GYPC: variants seen among roughly 807,000 people sequenced by gnomAD.
GYPC encodes the protein glycophorin-C.
In GYPC, 14 loss-of-function variants were observed where a neutral mutation model predicts 12.6. The observed-to-expected ratio is 1.11, with a 90% CI of 0.74 to 1.74. The LOEUF (loss-of-function observed/expected upper bound fraction) is 1.74, where lower values mean the gene tolerates loss of function less well. GYPC is among the 40% of genes most tolerant of loss of function. The probability of loss-of-function intolerance (pLI) is 0.00; values close to 1 mark genes in which losing one functional copy is unlikely to be tolerated. For missense variants in GYPC, 225 were observed against 172.1 expected (o/e 1.31, Z -1.72); for synonymous variants, 78 against 62.1 (o/e 1.26, Z -1.20).
intron 1 of GYPC, chr2:126,658,821 T>G (rs1336757397): frequency 1.5e-4 from 23 of 152,248 alleles, no homozygotes; most frequent in Admixed American, 1.4e-3. Context: ...GGTTATACCT[T>G]GTTATTTTCT....
chr2:126,670,547 G>A (rs2104780002), intron 1 of GYPC, among the ~76,000 whole-genome samples: 1 of 152,342 alleles, frequency 6.6e-6, no homozygotes, highest in African/African-American at 2.4e-5. Flanking sequence ...CAGCAGGGAT[G>A]TGCCTGCGCT....
At chr2:126,674,459 G>A (rs1386321976) in intron 1 of GYPC, among the ~76,000 whole-genome samples, 7 of 64,102 alleles carry the variant, frequency 1.1e-4, no homozygotes, top group Admixed American at 4.5e-4. Context: ...AACAAGTGGG[G>A]GGGGAATACA....
intron 3 of GYPC, among the ~76,000 whole-genome samples, chr2:126,695,676 GT>G (rs1458366657): frequency 1.0e-5 from 1 of 96,964 alleles, no homozygotes; most frequent in Non-Finnish European, 2.1e-5. Flanking sequence ...ATGACTTTAG[GT>G]TAATGTTAAG....
At chr2:126,673,859 G>A (rs895931638) in intron 1 of GYPC, among the ~76,000 whole-genome samples, 1 of 152,280 alleles carries the variant, frequency 6.6e-6, no homozygotes, top group South Asian at 2.1e-4. Context: ...AGACTTAAAT[G>A]ACACCTCTTA....
chr2:126,677,080 C>T (rs1683011188), intron 1 of GYPC, among the ~76,000 whole-genome samples: 1 of 152,126 alleles, frequency 6.6e-6, no homozygotes, highest in Admixed American at 6.5e-5. Flanking sequence ...TCCCATAGAC[C>T]AAGTCTAGGC....
intron 1 of GYPC, among the ~76,000 whole-genome samples, chr2:126,671,725 A>T (rs1682861513): frequency 1.3e-5 from 2 of 152,214 alleles, no homozygotes; most frequent in African/African-American, 4.8e-5. Flanking sequence ...AAGCCCTGGG[A>T]ATAAGACAGT....
chr2:126,656,655 G>T (rs1477827762), intron 1 of GYPC, among the ~76,000 whole-genome samples: 2 of 152,254 alleles, frequency 1.3e-5, no homozygotes, highest in African/African-American at 4.8e-5. Context: ...TCTCCCTAAA[G>T]AACAGTTAGG....
At chr2:126,656,453 C>A in intron 1 of GYPC, 141 bp downstream of exon 1, 1 of 679,678 alleles carries the variant, frequency 1.5e-6, no homozygotes, top group Non-Finnish European at 2.4e-6. Context: ...GTCCGCTGGG[C>A]TCAGATCCCC....
chr2:126,684,945 C>A (rs1424311300), intron 1 of GYPC, among the ~76,000 whole-genome samples: 1 of 152,188 alleles, frequency 6.6e-6, no homozygotes, highest in Admixed American at 6.5e-5. Flanking sequence ...ATTCTCCTCT[C>A]CCCTGTAACT....
chr2:126,675,528 G>A (rs1027429345), intron 1 of GYPC: 1 of 176,090 alleles, frequency 5.7e-6, no homozygotes, highest in Non-Finnish European at 1.1e-5. Context: ...ATCCACTCCT[G>A]TGAGCCTCTC....
At chr2:126,691,226 C>T (rs2280237) in intron 2 of GYPC, among the ~76,000 whole-genome samples, 33,864 of 151,084 alleles carry the variant, frequency 0.22, 92 homozygotes, top group East Asian at 0.32. Flanking sequence ...AAGACAGAGG[C>T]TTGCTCTGCA....
At chr2:126,661,886 C>T (rs1336345570) in intron 1 of GYPC, among the ~76,000 whole-genome samples, 1 of 152,236 alleles carries the variant, frequency 6.6e-6, no homozygotes, top group East Asian at 1.9e-4. Context: ...AGAGCCAGCC[C>T]TGGGCAGGGT....
chr2:126,672,578 C>G (rs1250871397), intron 1 of GYPC, among the ~76,000 whole-genome samples: 1 of 152,154 alleles, frequency 6.6e-6, no homozygotes, highest in African/African-American at 2.4e-5. Context: ...CACACAGGAC[C>G]CTTAGGGAGC....
intron 1 of GYPC, among the ~76,000 whole-genome samples, chr2:126,684,103 T>C (rs28369992): frequency 5.0e-4 from 76 of 152,300 alleles, no homozygotes; most frequent in Non-Finnish European, 9.4e-4. Flanking sequence ...GTCAAAGCAG[T>C]ACAGCTAAAT....
rs558116947 is a variant in GYPC, at chr2:126,686,103, C to G, written c.50-4152C>G. ...GCCGGGAAATGTAAAGACCAGCCCACGCAGGAAAAAAAGAGAACTTTTTAG... is the reference window on the plus strand; with the variant it reads ...GCCGGGAAATGTAAAGACCAGCCCAGGCAGGAAAAAAAGAGAACTTTTTAG... On this transcript the variant is annotated intron_variant, in intron 1 of 3. Coordinates refer to ENST00000259254, the MANE Select transcript of GYPC (RefSeq NM_002101.5). 61 of 984,958 alleles carry G rather than the reference C, an allele frequency of 6.2e-5. No homozygotes were observed. In the African/African-American group the frequency reaches 6.8e-4, roughly 11 times the overall value. 61.0% of individuals were successfully genotyped at this position (984,958 alleles called of 1,614,324 possible). A position where few individuals can be genotyped will look rare whatever the true frequency, so the allele number is the denominator to read the frequency against.
chr2:126,662,635 C>A (rs13403310), intron 1 of GYPC, among the ~76,000 whole-genome samples: 4,589 of 152,234 alleles, frequency 0.03, 198 homozygotes, highest in African/African-American at 0.1. Context: ...TCTTCAAATT[C>A]TTCTCTTTTG....
At chr2:126,689,464 T>C (rs911818814) in intron 1 of GYPC, among the ~76,000 whole-genome samples, 5 of 151,876 alleles carry the variant, frequency 3.3e-5, no homozygotes, top group African/African-American at 1.2e-4. Flanking sequence ...CAAAAGCTCA[T>C]GTTGAAATTT....
Position 126,693,962 on chromosome 2 carries a change from C to T in GYPC, c.190+15C>T, listed in dbSNP as rs779774725. 2 of 1,552,366 alleles carry T rather than the reference C, an allele frequency of 1.3e-6. No individual in the cohort carries two copies. The highest frequency in any genetic ancestry group is 1.8e-6 in the Non-Finnish European group (2 of 1,123,462). On this transcript the variant is annotated intron_variant, in intron 3 of 3. Coordinates refer to ENST00000259254, the MANE Select transcript of GYPC (RefSeq NM_002101.5). ...CGTCATTGCAGGTGAGCTCTCATCA[C>T]AGAGCCCTTCAAGCAGCCAGGGTGG...
chr2:126,686,486 A>G (rs552742616), intron 1 of GYPC: 1 of 985,562 alleles, frequency 1.0e-6, no homozygotes, highest in African/African-American at 1.7e-5. Context: ...TCCCAACTCC[A>G]CAAAGATGAG....
Sources: gnomAD v4.1 joint callset for allele counts (sites outside exome capture counted in the v4.1 genomes callset) on GRCh38, gnomAD v4.1.1 for gene constraint, MANE v1.5 for transcripts, NCBI Gene and HGNC (gene_info 2026-07-23, HGNC 2026-07-21) for gene names.